Variants in XPR1 observed in about 807,000 individuals in gnomAD.
XPR1 encodes the protein solute carrier family 53 member 1.
Under a neutral mutation model 87.5 loss-of-function variants are expected in XPR1, and 28 were observed. The observed-to-expected ratio is 0.32, with a 90% CI of 0.24 to 0.44. XPR1 has a LOEUF of 0.44. Among genes scored for constraint, XPR1 ranks in the 20% least tolerant of loss-of-function variants. XPR1 has a pLI of 1.00. For missense variants in XPR1, 559 were observed against 862.3 expected (o/e 0.65, Z 4.41); for synonymous variants, 300 against 306.1 (o/e 0.98, Z 0.21).
At chr1:180,647,809 G>A (rs1371636904) in intron 1 of XPR1, among the ~76,000 whole-genome samples, 2 of 148,718 alleles carry the variant, frequency 1.3e-5, no homozygotes, top group Non-Finnish European at 3.0e-5. Context: ...GCTGAGGCAC[G>A]AGAATTGCTT....
chr1:180,881,209 G>C, intron 14 of XPR1, among the ~76,000 whole-genome samples: 1 of 152,046 alleles, frequency 6.6e-6, no homozygotes, highest in East Asian at 1.9e-4. Flanking sequence ...TGTTGCCCAG[G>C]CTGGAGTGCA....
intron 2 of XPR1, among the ~76,000 whole-genome samples, chr1:180,716,281 G>A (rs542381429): frequency 2.0e-4 from 31 of 151,890 alleles, no homozygotes; most frequent in African/African-American, 7.5e-4. Context: ...GTAGTGATGG[G>A]TCTCACTATG....
intron 2 of XPR1, among the ~76,000 whole-genome samples, chr1:180,728,712 G>A (rs772277336): frequency 1.3e-4 from 20 of 152,204 alleles, no homozygotes; most frequent in Non-Finnish European, 2.2e-4. Flanking sequence ...GACTTGCTCA[G>A]TATTCCAAAG....
rs1340420027 is a variant in XPR1, at chr1:180,884,056, C to G, written c.2081C>G (p.Ala694Gly). 2 of 1,613,906 alleles carry G rather than the reference C, an allele frequency of 1.2e-6. No individual in the cohort carries two copies. The highest frequency in any genetic ancestry group is 4.5e-5 in the East Asian group (2 of 44,860). ...TTGATAGAAGACACAGATGATGAAG[C>G]TAACACTTGAATTTTCTGAAGTCTA... ...KVLIEDTDDE[A>G]NT The change falls in exon 15 of 15, where the codon GCT becomes GGT. Residue 694 changes from alanine to glycine, a missense_variant. Physicochemically the swap from Ala to Gly is moderately conservative, Grantham distance 60. Transcript: ENST00000367590.
chr1:180,878,562 G>GCTGTTATCATGTCTTTTA (rs1456837362), intron 13 of XPR1, among the ~76,000 whole-genome samples: 3 of 152,292 alleles, frequency 2.0e-5, no homozygotes, highest in Non-Finnish European at 2.9e-5. Flanking sequence ...GGAAGTAGGT[G>GCTGTTATCATGTCTTTTA]CTGTTATCAT....
At chr1:180,659,236 TCC>T (rs1655660296) in intron 1 of XPR1, among the ~76,000 whole-genome samples, 12 of 22,090 alleles carry the variant, frequency 5.4e-4, no homozygotes, top group Non-Finnish European at 1.2e-3. Context: ...CTTCCTTCCT[TCC>T]TTCCTTCCTT....
intron 1 of XPR1, among the ~76,000 whole-genome samples, chr1:180,659,998 G>A (rs1379954557): frequency 1.3e-5 from 2 of 152,126 alleles, no homozygotes; most frequent in Non-Finnish European, 2.9e-5. Context: ...TTGGGTCCCA[G>A]TGTTTTCTTT....
intron 7 of XPR1, among the ~76,000 whole-genome samples, chr1:180,824,187 A>G (rs1186031238): frequency 1.3e-5 from 2 of 152,252 alleles, no homozygotes; most frequent in Admixed American, 6.5e-5. Context: ...CAATGGGATG[A>G]CATGCTGAAA....
chr1:180,836,987 C>A (rs1382696438), intron 11 of XPR1, among the ~76,000 whole-genome samples: 2 of 152,146 alleles, frequency 1.3e-5, no homozygotes, highest in Non-Finnish European at 2.9e-5. Context: ...TGGGTTCAAT[C>A]TATGGATATC....
chr1:180,691,683 A>G (rs1488008571), intron 2 of XPR1, among the ~76,000 whole-genome samples: 2 of 152,136 alleles, frequency 1.3e-5, no homozygotes, highest in Admixed American at 6.5e-5. Flanking sequence ...CTGCTTGGTT[A>G]GCAGATGTGT....
chr1:180,698,228 G>A (rs1014346414), intron 2 of XPR1, among the ~76,000 whole-genome samples: 9 of 151,978 alleles, frequency 5.9e-5, no homozygotes, highest in African/African-American at 2.2e-4. Context: ...CTTAAAGTTT[G>A]TTTTATCTGA....
intron 1 of XPR1, among the ~76,000 whole-genome samples, chr1:180,634,660 G>T (rs1184421100): frequency 1.3e-5 from 2 of 152,102 alleles, no homozygotes; most frequent in African/African-American, 4.8e-5. Flanking sequence ...AGCACTGGTG[G>T]TGAAATTTTT....
chr1:180,697,508 G>GT (rs1657208769), intron 2 of XPR1, among the ~76,000 whole-genome samples: 1 of 151,626 alleles, frequency 6.6e-6, no homozygotes, highest in Admixed American at 6.6e-5. Context: ...GGTTTGGCTT[G>GT]TTCTTGCTTT....
intron 6 of XPR1, among the ~76,000 whole-genome samples, chr1:180,808,104 C>T (rs1003244444): frequency 6.6e-6 from 1 of 152,070 alleles, no homozygotes; most frequent in Non-Finnish European, 1.5e-5. Context: ...ATTAAAGCTG[C>T]AGTAATCAAG....
chr1:180,879,870 C>T (rs547777305), intron 13 of XPR1, among the ~76,000 whole-genome samples: 13 of 152,084 alleles, frequency 8.5e-5, no homozygotes, highest in African/African-American at 2.9e-4. Flanking sequence ...TTGCATAAGT[C>T]CCTCCCTTTT....
intron 2 of XPR1, among the ~76,000 whole-genome samples, chr1:180,775,954 A>G (rs1025663026): frequency 6.6e-6 from 1 of 152,190 alleles, no homozygotes; most frequent in African/African-American, 2.4e-5. Context: ...TCCTCTTTCA[A>G]ATTGCCTTTC....
At chr1:180,726,101 C>T (rs901025320) in intron 2 of XPR1, among the ~76,000 whole-genome samples, 14 of 152,156 alleles carry the variant, frequency 9.2e-5, no homozygotes, top group Non-Finnish European at 1.5e-4. Flanking sequence ...CCAATCAGCG[C>T]TCTGTGTCTA....
At chr1:180,819,766 C>CTA (rs1368782559) in intron 7 of XPR1, among the ~76,000 whole-genome samples, 2 of 152,104 alleles carry the variant, frequency 1.3e-5, no homozygotes, top group African/African-American at 4.8e-5. Context: ...GCCTGTAATC[C>CTA]TAGCACTTTG....
intron 2 of XPR1, among the ~76,000 whole-genome samples, chr1:180,748,056 T>C (rs1019854799): frequency 4.6e-5 from 7 of 152,240 alleles, no homozygotes; most frequent in African/African-American, 1.7e-4. Context: ...TTTGATAACC[T>C]GGTAGGTACC....
Sources: gnomAD v4.1 joint callset for allele counts (sites outside exome capture counted in the v4.1 genomes callset) on GRCh38, gnomAD v4.1.1 for gene constraint, MANE v1.5 for transcripts, NCBI Gene and HGNC (gene_info 2026-07-23, HGNC 2026-07-21) for gene names.